CDKAL1: variants seen among roughly 807,000 people sequenced by gnomAD.
CDKAL1 encodes threonylcarbamoyladenosine tRNA methylthiotransferase.
CDKAL1 carries 32 observed loss-of-function variants against 68.2 expected under a neutral mutation model. The observed-to-expected ratio is 0.47, with a 90% CI of 0.35 to 0.63. The LOEUF is 0.63. Ranked by LOEUF, CDKAL1 falls within the 30% of genes least tolerant of loss-of-function variation. The probability of loss-of-function intolerance (pLI) is 0.00; values close to 1 mark genes in which losing one functional copy is unlikely to be tolerated. For missense variants in CDKAL1, 606 were observed against 696.7 expected (o/e 0.87, Z 1.47); for synonymous variants, 234 against 244.3 (o/e 0.96, Z 0.39).
rs1774647979 is a variant in CDKAL1 at position 20,765,229 on chromosome 6, T to A, written c.517+6586T>A. Among the ~76,000 whole-genome samples the A allele has an allele frequency of 6.8e-5, 2 of 29,428 alleles. 1 individual carries two copies. The highest frequency in any genetic ancestry group is 1.3e-4 in the Non-Finnish European group (2 of 15,976). The allele number at this position is 29,428 out of a possible 152,430, so 19.3% of individuals were successfully genotyped here. A position where few individuals can be genotyped will look rare whatever the true frequency, so the allele number is the denominator to read the frequency against. On this transcript the variant is annotated intron_variant, in intron 7 of 15. Coordinates refer to ENST00000274695, the MANE Select transcript of CDKAL1 (RefSeq NM_017774.3). ...TGGAGTGCAGTGGCGGGATCTCGGC[T>A]CACTGCAAGCTCCGCCTCCCGGGTT...
At chr6:20,541,940 G>A (rs1255968945) in intron 2 of CDKAL1, among the ~76,000 whole-genome samples, 2 of 152,240 alleles carry the variant, frequency 1.3e-5, no homozygotes, top group Admixed American at 1.3e-4. Flanking sequence ...GATTACTGGC[G>A]TGAGCCACCG....
At position 20,708,372 on chromosome 6, in the gene CDKAL1, A is replaced by G. The variant is rs944252469; in HGVS notation, c.372-31147A>G. ...CCTTGCAAGGCCTACTTTACTATAT[A>G]TGACATAGAAAAGGGTGCAGGAATT... On this transcript the variant is annotated intron_variant, in intron 5 of 15. Transcript: ENST00000274695. Among the ~76,000 whole-genome samples the G allele has an allele frequency of 5.3e-5, 8 of 152,178 alleles. No individual in the cohort carries two copies. In the South Asian group the frequency reaches 6.2e-4, roughly 12 times the overall value.
At chr6:20,925,113 A>G (rs190701207) in intron 9 of CDKAL1, among the ~76,000 whole-genome samples, 14 of 152,324 alleles carry the variant, frequency 9.2e-5, no homozygotes, top group Admixed American at 2.6e-4. Context: ...CCCAACCTTC[A>G]CCAACCACCA....
rs1247712417 is a variant in CDKAL1 at position 21,179,213 on chromosome 6, G to A, written c.1300-18808G>A. ...CAGGTTTTCAAAGAGAGCAGAGAGTGTGGGGTGGAGGTGGGAGAGAATGAG... is the reference window on the plus strand; with the variant it reads ...CAGGTTTTCAAAGAGAGCAGAGAGTATGGGGTGGAGGTGGGAGAGAATGAG... On this transcript the variant is annotated intron_variant, in intron 13 of 15. Transcript: ENST00000274695. Among the ~76,000 whole-genome samples, 3 of 152,226 alleles carry A rather than the reference G, an allele frequency of 2.0e-5. No individual in the cohort carries two copies. In the East Asian group the frequency reaches 5.8e-4, roughly 29 times the overall value.
intron 9 of CDKAL1, among the ~76,000 whole-genome samples, chr6:20,925,050 A>G (rs1238206757): frequency 1.3e-5 from 2 of 152,230 alleles, no homozygotes; most frequent in African/African-American, 2.4e-5. Flanking sequence ...GGAAGAATCA[A>G]CCAATACAGC....
At chr6:20,575,296 TA>T (rs1764862404) in intron 4 of CDKAL1, among the ~76,000 whole-genome samples, 1 of 152,100 alleles carries the variant, frequency 6.6e-6, no homozygotes. Flanking sequence ...TTTTCAACTT[TA>T]GATATCAGTA....
intron 10 of CDKAL1, among the ~76,000 whole-genome samples, chr6:20,978,207 A>G (rs2150767864): frequency 6.6e-6 from 1 of 152,362 alleles, no homozygotes; most frequent in African/African-American, 2.4e-5. Context: ...AATGTTGCAG[A>G]GGTTCCGCTT....
intron 13 of CDKAL1, among the ~76,000 whole-genome samples, chr6:21,175,465 T>C (rs1449067792): frequency 6.6e-6 from 1 of 152,238 alleles, no homozygotes; most frequent in African/African-American, 2.4e-5. Context: ...TCTTTTTGCC[T>C]TGACTCTCAG....
At chr6:21,172,533 C>G (rs1019273488) in intron 13 of CDKAL1, among the ~76,000 whole-genome samples, 2 of 152,082 alleles carry the variant, frequency 1.3e-5, no homozygotes, top group South Asian at 2.1e-4. Context: ...GCAGATCGCT[C>G]GAGCCCAGGA....
intron 9 of CDKAL1, among the ~76,000 whole-genome samples, chr6:20,906,789 C>T (rs550390911): frequency 8.5e-5 from 13 of 152,104 alleles, no homozygotes; most frequent in Non-Finnish European, 1.9e-4. Flanking sequence ...AAACAAATAA[C>T]AAAGTGGAAG....
chr6:20,949,952 G>A (rs1456243540), intron 9 of CDKAL1, among the ~76,000 whole-genome samples: 1 of 151,936 alleles, frequency 6.6e-6, no homozygotes, highest in Non-Finnish European at 1.5e-5. Context: ...ACTGTGCCTG[G>A]CTAATTTTTG....
intron 13 of CDKAL1, among the ~76,000 whole-genome samples, chr6:21,110,460 T>C (rs180953299): frequency 6.6e-6 from 1 of 152,366 alleles, no homozygotes; most frequent in South Asian, 2.1e-4. Flanking sequence ...TTTAAAGTTA[T>C]TTTGTCATTT....
chr6:21,015,134 C>T lies in CDKAL1; in HGVS notation c.1055+14762C>T, dbSNP rs1340476150. ...CAGTACATTGGAGTTAGCCTGCTGC[C>T]GGAATTACTGAATAATTTCTTGTCA... On this transcript the variant is annotated intron_variant, in intron 11 of 15. Coordinates refer to ENST00000274695, the MANE Select transcript of CDKAL1 (RefSeq NM_017774.3). Among the ~76,000 whole-genome samples, 4 of 152,102 alleles carry T rather than the reference C, an allele frequency of 2.6e-5. No individual in the cohort carries two copies. The South Asian group carries it at 8.3e-4, about 32-fold the overall frequency.
Position 20,955,402 on chromosome 6 carries a change from T to G in CDKAL1, c.743-17T>G, listed in dbSNP as rs779131799. The G allele has an allele frequency of 6.2e-7, 1 of 1,613,538 alleles. No individual in the cohort carries two copies. The highest frequency in any genetic ancestry group is 1.1e-5 in the South Asian group (1 of 90,970). ...AGCTCTGCCACAGATTTGTTAATTA[T>G]CTCTTTTGATTCACAGAGGGTGTTT... On this transcript the variant is annotated splice_polypyrimidine_tract_variant and intron_variant, in intron 9 of 15. Coordinates refer to ENST00000274695, the MANE Select transcript of CDKAL1 (RefSeq NM_017774.3).
At chr6:20,849,443 C>T (rs1296287717) in intron 9 of CDKAL1, among the ~76,000 whole-genome samples, 2 of 151,822 alleles carry the variant, frequency 1.3e-5, no homozygotes, top group African/African-American at 4.8e-5. Context: ...ATTAGCCGGG[C>T]GTGGTGGCGG....
chr6:20,730,996 A>G (rs1772899796), intron 5 of CDKAL1, among the ~76,000 whole-genome samples: 1 of 152,178 alleles, frequency 6.6e-6, no homozygotes, highest in Admixed American at 6.5e-5. Context: ...CATCTGGGCC[A>G]AGAATGTATC....
intron 11 of CDKAL1, among the ~76,000 whole-genome samples, chr6:21,010,939 G>A (rs957528278): frequency 1.3e-5 from 2 of 151,410 alleles, no homozygotes; most frequent in East Asian, 2.0e-4. Flanking sequence ...AAAATTAGCT[G>A]GGCATGGTGG....
At chr6:21,208,662 G>T (rs1289347562) in intron 15 of CDKAL1, among the ~76,000 whole-genome samples, 1 of 151,784 alleles carries the variant, frequency 6.6e-6, no homozygotes, top group East Asian at 1.9e-4. Context: ...TCGCTGCTAA[G>T]TTCACGTCAC....
intron 9 of CDKAL1, among the ~76,000 whole-genome samples, chr6:20,891,620 C>T (rs1044238438): frequency 4.6e-5 from 7 of 150,966 alleles, no homozygotes; most frequent in South Asian, 4.2e-4. Context: ...CTGCAACCTC[C>T]GCCTCCCGGG....
Sources: allele counts gnomAD v4.1 joint callset (sites outside exome capture counted in the v4.1 genomes callset), GRCh38; gene constraint gnomAD v4.1.1; transcripts MANE v1.5; gene names NCBI Gene and HGNC (gene_info 2026-07-23, HGNC 2026-07-21).